TENM1: variants seen among roughly 807,000 people sequenced by gnomAD.
TENM1 encodes teneurin transmembrane protein 1.
A neutral mutation model predicts 174.8 loss-of-function variants in TENM1; 35 were observed. The observed-to-expected ratio is 0.20, with a 90% CI of 0.15 to 0.27. The LOEUF is 0.27. TENM1 is among the 10% of genes least tolerant of loss of function. The probability of loss-of-function intolerance (pLI) is 1.00; values close to 1 mark genes in which losing one functional copy is unlikely to be tolerated. For synonymous variants in TENM1, 781 were observed against 798.7 expected, an observed-to-expected ratio of 0.98 and a Z score of 0.37; for missense variants, 1,633 against 2,130.1, an observed-to-expected ratio of 0.77 and a Z score of 4.59.
chrX:125,073,991 T>A, the TENM1 span, among the ~76,000 whole-genome samples: 1 of 112,044 alleles, frequency 8.9e-6, no homozygotes, highest in Non-Finnish European at 1.9e-5. Context: ...AAAGTCATGA[T>A]CTTATCACAT....
chrX:124,915,454 G>A (rs1254551060), intron 1 of TENM1, among the ~76,000 whole-genome samples: 1 of 111,711 alleles, frequency 9.0e-6, no homozygotes, highest in African/African-American at 3.3e-5. Flanking sequence ...GAACCCAGGA[G>A]GCAGAGGCTG....
At chrX:125,108,587 C>T in the TENM1 span, among the ~76,000 whole-genome samples, 1 of 109,179 alleles carries the variant, frequency 9.2e-6, no homozygotes, top group Admixed American at 9.8e-5. Context: ...TGGGCATGGT[C>T]GTACCTGGCT....
the TENM1 span, among the ~76,000 whole-genome samples, chrX:125,063,463 A>G: frequency 7.1e-5 from 8 of 111,942 alleles, no homozygotes; most frequent in Non-Finnish European, 1.3e-4. Context: ...CAAATTTACA[A>G]GAAAAAAACA....
intron 1 of TENM1, among the ~76,000 whole-genome samples, chrX:124,962,345 A>C (rs1440878140): frequency 2.7e-5 from 3 of 111,413 alleles, no homozygotes; most frequent in Non-Finnish European, 5.6e-5. Context: ...GATTTGTTAA[A>C]CCACAAATGG....
the TENM1 span, among the ~76,000 whole-genome samples, chrX:125,173,082 T>A: frequency 9.0e-6 from 1 of 111,429 alleles, no homozygotes; most frequent in South Asian, 3.8e-4. Flanking sequence ...CTGAAATGTG[T>A]CAAACCCAAA....
intron 19 of TENM1, among the ~76,000 whole-genome samples, chrX:124,500,033 C>G (rs949939976): frequency 9.0e-6 from 1 of 111,649 alleles, no homozygotes; most frequent in Non-Finnish European, 1.9e-5. Context: ...AATTTTAGAA[C>G]TAAAGATGGC....
intron 25 of TENM1, among the ~76,000 whole-genome samples, chrX:124,411,669 T>C (rs1159899620): frequency 9.0e-6 from 1 of 111,589 alleles, no homozygotes; most frequent in Non-Finnish European, 1.9e-5. Context: ...CCCACCTCTC[T>C]TCTGTTGGGT....
chrX:125,007,945 C>A, the TENM1 span, among the ~76,000 whole-genome samples: 1 of 111,512 alleles, frequency 9.0e-6, no homozygotes, highest in Non-Finnish European at 1.9e-5. Context: ...ATATAAAGAC[C>A]AATGATGTTG....
chrX:125,163,666 G>C, the TENM1 span, among the ~76,000 whole-genome samples: 1 of 110,979 alleles, frequency 9.0e-6, no homozygotes, highest in Non-Finnish European at 1.9e-5. Flanking sequence ...TTCCAATATG[G>C]ATTATTTTTA....
intron 3 of TENM1, among the ~76,000 whole-genome samples, chrX:124,814,346 G>C (rs979748171): frequency 9.0e-6 from 1 of 111,479 alleles, no homozygotes; most frequent in Non-Finnish European, 1.9e-5. Context: ...CATTATTATT[G>C]CTATTGTTTA....
At chrX:125,065,581 A>G in the TENM1 span, among the ~76,000 whole-genome samples, 1 of 112,410 alleles carries the variant, frequency 8.9e-6, no homozygotes, top group Non-Finnish European at 1.9e-5. Flanking sequence ...TTAGAGAAAG[A>G]CTAAATGGCT....
At chrX:124,646,616 C>T (rs1198367852) in intron 9 of TENM1, 93 bp downstream of exon 12, 1 of 635,230 alleles carries the variant, frequency 1.6e-6, no homozygotes, top group Non-Finnish European at 2.5e-6. Flanking sequence ...GTCACCACTA[C>T]TAATGTTACT....
chrX:124,671,078 T>C (rs1405206493), intron 6 of TENM1, among the ~76,000 whole-genome samples: 2 of 111,112 alleles, frequency 1.8e-5, no homozygotes, highest in African/African-American at 6.5e-5. Flanking sequence ...GAATAAGATG[T>C]TGGGAGTGCT....
chrX:124,954,478 T>C (rs937163031), intron 1 of TENM1, among the ~76,000 whole-genome samples: 1 of 111,951 alleles, frequency 8.9e-6, no homozygotes, highest in Non-Finnish European at 1.9e-5. Context: ...ATCATTTATA[T>C]GAAGGGATGT....
intron 10 of TENM1, among the ~76,000 whole-genome samples, chrX:124,642,365 T>C (rs1312939722): frequency 4.5e-5 from 5 of 112,323 alleles, no homozygotes; most frequent in African/African-American, 1.6e-4. Flanking sequence ...TCATTCCTTA[T>C]CCTTTCTGAA....
chrX:124,948,743 G>A lies in TENM1; in HGVS notation c.217+14794C>T, dbSNP rs370558847. On this transcript the variant is annotated intron_variant, in intron 1 of 31. Coordinates refer to ENST00000422452, the Ensembl canonical transcript of TENM1. Reference sequence around the variant, plus strand: ...AATTTTTTGTATTTTTAATAGAGATGGTGTTTCACCATATTGGCCAGGTTG... The same window carrying A: ...AATTTTTTGTATTTTTAATAGAGATAGTGTTTCACCATATTGGCCAGGTTG... 2.1e-4 allele frequency among the ~76,000 whole-genome samples: 23 copies of A among 111,708 alleles called. No individual in the cohort carries two copies. In the East Asian group the frequency reaches 4.2e-3, roughly 21 times the overall value.
At chrX:124,489,640 A>G (rs916286210) in intron 20 of TENM1, among the ~76,000 whole-genome samples, 24 of 111,900 alleles carry the variant, frequency 2.1e-4, no homozygotes, top group African/African-American at 7.2e-4. Flanking sequence ...TCCACTTAAC[A>G]TAATGTACCA....
chrX:124,765,667 C>T (rs145115295), intron 3 of TENM1, among the ~76,000 whole-genome samples: 42 of 112,351 alleles, frequency 3.7e-4, no homozygotes, highest in Non-Finnish European at 7.0e-4. Context: ...GTTTATGACA[C>T]GTCTTTGCCA....
chrX:124,420,493 T>G, exon 25 of TENM1: 26 of 1,212,128 alleles, frequency 2.1e-5, no homozygotes, highest in Non-Finnish European at 2.8e-5. Context: ...GCATTCCGCC[T>G]GCATCACGGC....
Sources: gnomAD v4.1 joint callset for allele counts (sites outside exome capture counted in the v4.1 genomes callset) on GRCh38, gnomAD v4.1.1 for gene constraint, MANE v1.5 for transcripts, NCBI Gene and HGNC (gene_info 2026-07-23, HGNC 2026-07-21) for gene names.